TECRL: variants seen among roughly 807,000 people sequenced by gnomAD.
TECRL encodes trans-2,3-enoyl-CoA reductase like.
In TECRL, 63 loss-of-function variants were observed where a neutral mutation model predicts 52.8. The ratio of observed to expected loss-of-function variants is 1.19; its 90% confidence interval spans 0.97 to 1.47. The LOEUF is 1.47. Ranked by LOEUF, TECRL falls within the 40% of genes most tolerant of loss-of-function variation. The probability of loss-of-function intolerance (pLI) is 0.00; values close to 1 mark genes in which losing one functional copy is unlikely to be tolerated. For synonymous variants in TECRL, 164 were observed against 141.9 expected (o/e 1.16, Z -1.10); for missense variants, 482 against 429.6 (o/e 1.12, Z -1.08).
intron 5 of TECRL, among the ~76,000 whole-genome samples, chr4:64,313,511 T>C (rs1238296169): frequency 1.4e-5 from 2 of 147,546 alleles, no homozygotes; most frequent in African/African-American, 5.1e-5. Flanking sequence ...AGACGGAGTC[T>C]TTCTCTGTCC....
In TECRL at chr4:64,278,665, A is replaced by C. The variant is rs921542857; in HGVS notation, c.*1407T>G. ...AAACTAAATGGAATATAATGTTCTT[A>C]ACTATAGTCGTCCTACAGTGGTATA... On this transcript the variant is annotated 3_prime_UTR_variant, in exon 12 of 12. Coordinates refer to ENST00000381210, the MANE Select transcript of TECRL (RefSeq NM_001010874.5). 6.6e-6 allele frequency: 1 copy of C among 152,186 alleles called. No individual in the cohort carries two copies. The highest frequency in any genetic ancestry group is 2.4e-5 in the African/African-American group (1 of 41,438). 9.4% of individuals were successfully genotyped at this position (152,186 alleles called of 1,614,324 possible). A position where few individuals can be genotyped will look rare whatever the true frequency, so the allele number is the denominator to read the frequency against.
intron 3 of TECRL, among the ~76,000 whole-genome samples, chr4:64,325,931 T>C (rs1718231539): frequency 6.6e-6 from 1 of 152,144 alleles, no homozygotes; most frequent in Non-Finnish European, 1.5e-5. Flanking sequence ...GGGACCATTG[T>C]CCTTGGCTTT....
Position 64,279,909 on chromosome 4 carries a change from T to C in TECRL, c.*163A>G. 4.9e-6 allele frequency: 6 copies of C among 1,221,012 alleles called. No homozygotes were observed. Among genetic ancestry groups the C allele is most frequent in the Non-Finnish European group, 6.1e-6 (6 of 975,788 alleles). The allele number at this position is 1,221,012 out of a possible 1,614,324, so 75.6% of individuals were successfully genotyped here. A position where few individuals can be genotyped will look rare whatever the true frequency, so the allele number is the denominator to read the frequency against. On this transcript the variant is annotated 3_prime_UTR_variant, in exon 12 of 12. Transcript: ENST00000381210. ...ATAATTTATACTTTTTATTACCATG[T>C]GCATTTCTCTAAATTTAGTGAAATT... is the stretch of plus-strand genomic sequence containing the variant.
intron 2 of TECRL, among the ~76,000 whole-genome samples, chr4:64,348,159 T>C (rs1361861227): frequency 2.0e-5 from 3 of 152,148 alleles, no homozygotes; most frequent in Admixed American, 1.3e-4. Flanking sequence ...GGAGCTTTCA[T>C]TGAGTCATGG....
chr4:64,278,085 C>T lies in TECRL; in HGVS notation c.*1987G>A, dbSNP rs1722638748. ...ATATGTGTATATATATACACATATACACACGTACACACATATTTTGAAATA... is the reference window on the plus strand; with the variant it reads ...ATATGTGTATATATATACACATATATACACGTACACACATATTTTGAAATA... On this transcript the variant is annotated 3_prime_UTR_variant, in exon 12 of 12. Coordinates refer to ENST00000381210, the MANE Select transcript of TECRL (RefSeq NM_001010874.5). 1 of 149,560 alleles carries T rather than the reference C, an allele frequency of 6.7e-6. No individual in the cohort carries two copies. The highest frequency in any genetic ancestry group is 1.5e-5 in the Non-Finnish European group (1 of 67,102). 9.3% of individuals were successfully genotyped at this position (149,560 alleles called of 1,614,324 possible).
chr4:64,318,714 T>C (rs1445511738), intron 4 of TECRL, among the ~76,000 whole-genome samples: 1 of 152,006 alleles, frequency 6.6e-6, no homozygotes, highest in Non-Finnish European at 1.5e-5. Flanking sequence ...AACTTATTTT[T>C]ATGTAAAAAT....
chr4:64,288,710 C>T (rs1723213543), intron 9 of TECRL, among the ~76,000 whole-genome samples: 1 of 152,108 alleles, frequency 6.6e-6, no homozygotes, highest in South Asian at 2.1e-4. Flanking sequence ...TGGTGGTCTG[C>T]TGCCAGTCTG....
At chr4:64,361,269 T>G (rs1577934969) in intron 2 of TECRL, among the ~76,000 whole-genome samples, 1 of 152,158 alleles carries the variant, frequency 6.6e-6, no homozygotes, top group African/African-American at 2.4e-5. Context: ...GCCTGCAGCC[T>G]TCCACCTGCC....
At chr4:64,319,262 G>A (rs912216818) in intron 4 of TECRL, among the ~76,000 whole-genome samples, 1 of 151,614 alleles carries the variant, frequency 6.6e-6, no homozygotes, top group African/African-American at 2.4e-5. Context: ...GAGACAAATT[G>A]AAGAAAATTA....
chr4:64,384,121 G>A (rs904503639), intron 1 of TECRL, among the ~76,000 whole-genome samples: 2 of 152,142 alleles, frequency 1.3e-5, no homozygotes, highest in African/African-American at 4.8e-5. Flanking sequence ...AGTGTCAGCA[G>A]CAGGCCATGT....
chr4:64,364,225 G>A (rs1721432201), intron 2 of TECRL, among the ~76,000 whole-genome samples: 1 of 151,786 alleles, frequency 6.6e-6, no homozygotes, highest in Non-Finnish European at 1.5e-5. Flanking sequence ...TGAAAACAAA[G>A]ATACAACATA....
chr4:64,307,604 C>G (rs545388704), intron 6 of TECRL, among the ~76,000 whole-genome samples: 2 of 152,264 alleles, frequency 1.3e-5, no homozygotes, highest in African/African-American at 4.8e-5. Context: ...CCATCTTCAG[C>G]CTGCACTCCC....
At chr4:64,391,983 G>T (rs1044429415) in intron 1 of TECRL, among the ~76,000 whole-genome samples, 2 of 151,768 alleles carry the variant, frequency 1.3e-5, no homozygotes, top group Non-Finnish European at 3.0e-5. Flanking sequence ...AATAGTCTAG[G>T]TTGTGTTGCA....
At chr4:64,405,346 T>C (rs904461055) in intron 1 of TECRL, among the ~76,000 whole-genome samples, 3 of 152,104 alleles carry the variant, frequency 2.0e-5, no homozygotes, top group African/African-American at 7.2e-5. Context: ...TCAGGAGTGC[T>C]AGAAGTAGAA....
chr4:64,360,018 A>C (rs1398129923), intron 2 of TECRL, among the ~76,000 whole-genome samples: 1 of 152,192 alleles, frequency 6.6e-6, no homozygotes, highest in African/African-American at 2.4e-5. Context: ...CATAGAGACA[A>C]GAAAATTGTA....
At chr4:64,335,641 C>A (rs894587099) in intron 2 of TECRL, among the ~76,000 whole-genome samples, 4 of 152,114 alleles carry the variant, frequency 2.6e-5, no homozygotes, top group African/African-American at 9.7e-5. Context: ...CATGATCTGT[C>A]TTCTAAATCA....
At chr4:64,373,812 AG>A in intron 2 of TECRL, among the ~76,000 whole-genome samples, 1 of 151,186 alleles carries the variant, frequency 6.6e-6, no homozygotes, top group East Asian at 1.9e-4. Flanking sequence ...AATGCCACAA[AG>A]GTGGCAATTC....
rs780972069 is a variant in TECRL, at chr4:64,375,233, A to G, written c.235-10T>C. 7.4e-5 allele frequency: 100 copies of G among 1,354,268 alleles called. No homozygotes were observed. The highest frequency in any genetic ancestry group is 3.1e-4 in the South Asian group (18 of 57,758). The allele number at this position is 1,354,268 out of a possible 1,614,324, so 83.9% of individuals were successfully genotyped here. ...TAGATGATTGTGTCACCTGAAAAGGAAAAGAAAATAGAGTTATTTTTAAAA... is the reference window on the plus strand; with the variant it reads ...TAGATGATTGTGTCACCTGAAAAGGGAAAGAAAATAGAGTTATTTTTAAAA... On this transcript the variant is annotated splice_polypyrimidine_tract_variant and intron_variant, in intron 1 of 11. Coordinates refer to ENST00000381210, the MANE Select transcript of TECRL (RefSeq NM_001010874.5).
chr4:64,297,240 A>C (rs1487843267), intron 8 of TECRL, among the ~76,000 whole-genome samples: 1 of 151,446 alleles, frequency 6.6e-6, no homozygotes. Context: ...AAAATAGATT[A>C]ATCTGACATG....
Sources: gnomAD v4.1 joint callset for allele counts (sites outside exome capture counted in the v4.1 genomes callset) on GRCh38, gnomAD v4.1.1 for gene constraint, MANE v1.5 for transcripts, NCBI Gene and HGNC (gene_info 2026-07-23, HGNC 2026-07-21) for gene names.